Variants in PAQR5 observed in about 807,000 individuals in gnomAD.
PAQR5 encodes the protein progestin and adipoQ receptor family member 5, also known as membrane progestin receptor gamma.
A neutral mutation model predicts 34.5 loss-of-function variants in PAQR5; 20 were observed. The ratio of observed to expected loss-of-function variants is 0.58; its 90% CI spans 0.41 to 0.84. The LOEUF is 0.84. Among genes scored for constraint, PAQR5 ranks in the 40% least tolerant of loss-of-function variants. The probability of loss-of-function intolerance (pLI) is 0.00; values close to 1 mark genes in which losing one functional copy is unlikely to be tolerated. For missense variants in PAQR5, 378 were observed against 412.7 expected (o/e 0.92, Z 0.73); for synonymous variants, 131 against 155.6 (o/e 0.84, Z 1.18).
At chr15:69,396,050 C>G (rs1595941771) in intron 6 of PAQR5, among the ~76,000 whole-genome samples, 3 of 151,824 alleles carry the variant, frequency 2.0e-5, no homozygotes, top group African/African-American at 7.3e-5. Context: ...TGTCCGCATC[C>G]TCAGACCTGC....
intron 3 of PAQR5, among the ~76,000 whole-genome samples, chr15:69,373,673 G>A (rs931014207): frequency 1.3e-5 from 2 of 152,018 alleles, no homozygotes; most frequent in Admixed American, 6.6e-5. Flanking sequence ...GCACAATCTC[G>A]GCTTACTGCA....
intron 1 of PAQR5, among the ~76,000 whole-genome samples, chr15:69,302,663 C>G (rs1414324207): frequency 6.6e-6 from 1 of 152,166 alleles, no homozygotes; most frequent in Non-Finnish European, 1.5e-5. Context: ...CTCAGCAGAC[C>G]CAGGTGTCTG....
chr15:69,340,450 G>C (rs1207628381), intron 2 of PAQR5, among the ~76,000 whole-genome samples: 2 of 152,198 alleles, frequency 1.3e-5, no homozygotes, highest in African/African-American at 4.8e-5. Context: ...GGAAAGCACT[G>C]TGTGAGCAGA....
At chr15:69,380,144 G>A in intron 4 of PAQR5, 134 bp downstream of exon 4, 1 of 891,622 alleles carries the variant, frequency 1.1e-6, no homozygotes, top group Admixed American at 2.1e-5. Context: ...GTACACGCGG[G>A]TGAAGGGAGT....
intron 1 of PAQR5, among the ~76,000 whole-genome samples, chr15:69,311,378 C>G (rs866828119): frequency 6.6e-5 from 10 of 152,088 alleles, no homozygotes; most frequent in Non-Finnish European, 8.8e-5. Context: ...ACTGATGAAG[C>G]CTGGAACCTG....
chr15:69,306,341 CT>C (rs34784689), intron 1 of PAQR5, among the ~76,000 whole-genome samples: 65 of 146,512 alleles, frequency 4.4e-4, no homozygotes, highest in Admixed American at 1.1e-3. Context: ...AACATTTAAC[CT>C]TTTTTTTTTA....
chr15:69,395,845 T>C (rs889539954), intron 6 of PAQR5, among the ~76,000 whole-genome samples: 6 of 151,962 alleles, frequency 3.9e-5, no homozygotes, highest in Non-Finnish European at 7.4e-5. Flanking sequence ...CCATGTACCA[T>C]GTATGACTTA....
intron 1 of PAQR5, among the ~76,000 whole-genome samples, chr15:69,335,445 A>T (rs1307773403): frequency 2.7e-5 from 4 of 149,306 alleles, no homozygotes; most frequent in Non-Finnish European, 4.4e-5. Context: ...GGGTTTCTCC[A>T]TGTTGGTCAG....
intron 1 of PAQR5, 34 bp from the exon 2 acceptor site, chr15:69,337,307 A>G (rs895612090): frequency 6.6e-6 from 1 of 152,242 alleles, no homozygotes; most frequent in African/African-American, 2.4e-5. Context: ...TTAATTACAT[A>G]AGTGCAATAA....
chr15:69,383,777 G>T (rs2056007492), intron 4 of PAQR5, among the ~76,000 whole-genome samples: 1 of 95,336 alleles, frequency 1.0e-5, no homozygotes, highest in South Asian at 4.7e-4. Context: ...ATGGTGGAGG[G>T]TGAGTGGGCC....
At chr15:69,318,653 C>T (rs2054008509) in intron 1 of PAQR5, among the ~76,000 whole-genome samples, 1 of 151,906 alleles carries the variant, frequency 6.6e-6, no homozygotes, top group African/African-American at 2.4e-5. Context: ...AGTAGTCCCC[C>T]TTATCTGCAA....
chr15:69,335,246 C>CTTT (rs368833153), intron 1 of PAQR5, among the ~76,000 whole-genome samples: 6 of 127,948 alleles, frequency 4.7e-5, no homozygotes, highest in Admixed American at 8.4e-5. Context: ...GAAATTTTAG[C>CTTT]TTTTTTTTTT....
intron 8 of PAQR5, among the ~76,000 whole-genome samples, chr15:69,401,818 G>C (rs2056636870): frequency 6.6e-6 from 1 of 152,192 alleles, no homozygotes; most frequent in Admixed American, 6.5e-5. Context: ...CTGCTCAATA[G>C]TAGAGGTGGC....
rs1566986888 is a variant in PAQR5 at position 69,300,969 on chromosome 15, T to TTCTTTCTTTCTTTCTTTCTTTCTC, written c.-277+1936_-277+1937insCTCTTTCTTTCTTTCTTTCTTTCT. ...TTTCCTTCTTTCTTTCTTTCTTTCT[T>TTCTTTCTTTCTTTCTTTCTTTCTC]TCTTTCTTTCTTTCTTTCTTTCTTT... On this transcript the variant is annotated intron_variant, in intron 1 of 8. Coordinates refer to ENST00000395407, the MANE Select transcript of PAQR5 (RefSeq NM_017705.4). Among the ~76,000 whole-genome samples the TTCTTTCTTTCTTTCTTTCTTTCTC allele has an allele frequency of 2.9e-4, 21 of 73,508 alleles. 4 individuals are homozygous for TTCTTTCTTTCTTTCTTTCTTTCTC. Among genetic ancestry groups the TTCTTTCTTTCTTTCTTTCTTTCTC allele is most frequent in the African/African-American group, 1.2e-3 (21 of 16,964 alleles). The allele number at this position is 73,508 out of a possible 152,430, so 48.2% of individuals were successfully genotyped here.
At chr15:69,366,133 G>A (rs947440489) in intron 3 of PAQR5, among the ~76,000 whole-genome samples, 2 of 152,096 alleles carry the variant, frequency 1.3e-5, no homozygotes, top group Non-Finnish European at 2.9e-5. Context: ...TTAGTTCCTG[G>A]CAACCACCTA....
chr15:69,324,346 T>G (rs1018618506), intron 1 of PAQR5, among the ~76,000 whole-genome samples: 1 of 152,200 alleles, frequency 6.6e-6, no homozygotes, highest in Non-Finnish European at 1.5e-5. Flanking sequence ...AGAGCATTAA[T>G]GCAGACCTGA....
intron 2 of PAQR5, among the ~76,000 whole-genome samples, chr15:69,349,321 G>A (rs968285778): frequency 2.0e-5 from 3 of 152,182 alleles, no homozygotes; most frequent in Non-Finnish European, 4.4e-5. Context: ...CCTGCAACCA[G>A]GCGTGAGTCC....
intron 1 of PAQR5, among the ~76,000 whole-genome samples, chr15:69,306,391 A>C (rs1439232256): frequency 2.7e-5 from 4 of 145,878 alleles, no homozygotes; most frequent in Non-Finnish European, 6.0e-5. Flanking sequence ...ACCTTTAACC[A>C]TTTAAAATTT....
rs1394414 is a variant in PAQR5, at chr15:69,405,160, A to T, written c.*1338A>T. The stretch of plus-strand genomic sequence containing the variant: ...CAGTATTTCATGGTGTTTTCAGGGA[A>T]CACAGAAATGCGGATGCAAAACAAC... On this transcript the variant is annotated 3_prime_UTR_variant, in exon 9 of 9. Coordinates refer to ENST00000395407, the MANE Select transcript of PAQR5 (RefSeq NM_017705.4). 351,858 of 394,696 alleles carry T rather than the reference A, an allele frequency of 0.89. 160,396 individuals carry two copies. The highest frequency in any genetic ancestry group is 0.97 in the Non-Finnish European group (217,756 of 224,142). The allele number at this position is 394,696 out of a possible 1,614,324, so 24.4% of individuals were successfully genotyped here.
Sources: gnomAD v4.1 joint callset for allele counts (sites outside exome capture counted in the v4.1 genomes callset) on GRCh38, gnomAD v4.1.1 for gene constraint, MANE v1.5 for transcripts, NCBI Gene and HGNC (gene_info 2026-07-23, HGNC 2026-07-21) for gene names.